Variants in FHIT observed in about 807,000 individuals in gnomAD.
The protein encoded by FHIT is bis(5'-adenosyl)-triphosphatase.
A neutral mutation model predicts 17.9 loss-of-function variants in FHIT; 19 were observed. That is an observed-to-expected ratio of 1.06 (90% CI 0.74 to 1.56). The LOEUF (loss-of-function observed/expected upper bound fraction) is 1.56, where lower values mean the gene tolerates loss of function less well. FHIT is among the 40% of genes most tolerant of loss of function. The pLI is 0.00. For synonymous variants in FHIT, 81 were observed against 69.7 expected, an observed-to-expected ratio of 1.16 and a Z score of -0.81; for missense variants, 248 against 189.2, an observed-to-expected ratio of 1.31 and a Z score of -1.82.
chr3:60,555,685 T>A (rs2036716914), intron 4 of FHIT, among the ~76,000 whole-genome samples: 2 of 152,118 alleles, frequency 1.3e-5, no homozygotes. Context: ...TCACTCTATT[T>A]GTCACCATTT....
chr3:60,536,394 C>T (rs1054941304), intron 5 of FHIT: 1 of 152,822 alleles, frequency 6.5e-6, no homozygotes, highest in Non-Finnish European at 1.5e-5. Context: ...AAACGCACAA[C>T]TTGAATGATC....
At position 59,749,523 on chromosome 3, in the gene FHIT, G is replaced by A. The variant is rs886412866; in HGVS notation, c.*62C>T. ...TTCCTCTTGGGGAGAGGCGGGGGGC[G>A]GTCTTCAAACTGGTTGGCAATAGCT... On this transcript the variant is annotated 3_prime_UTR_variant, in exon 10 of 10. Coordinates refer to ENST00000492590, the MANE Select transcript of FHIT (RefSeq NM_002012.4). The A allele has an allele frequency of 9.0e-6, 2 of 220,998 alleles. No individual in the cohort carries two copies. The highest frequency in any genetic ancestry group is 8.9e-6 in the Non-Finnish European group (1 of 112,252). 13.7% of individuals were successfully genotyped at this position (220,998 alleles called of 1,614,324 possible).
intron 5 of FHIT, among the ~76,000 whole-genome samples, chr3:60,224,104 C>T (rs1438512331): frequency 6.6e-6 from 1 of 152,098 alleles, no homozygotes; most frequent in Admixed American, 6.6e-5. Flanking sequence ...AGTCTCCACA[C>T]CAAAGCCTCT....
intron 4 of FHIT, among the ~76,000 whole-genome samples, chr3:60,738,311 G>C (rs1488201839): frequency 6.6e-6 from 1 of 152,206 alleles, no homozygotes; most frequent in African/African-American, 2.4e-5. Flanking sequence ...TAGTATTACA[G>C]TTCAGTGAAG....
intron 5 of FHIT, among the ~76,000 whole-genome samples, chr3:60,525,404 G>C (rs12492267): frequency 0.27 from 41,300 of 151,740 alleles, 6,178 homozygotes; most frequent in East Asian, 0.52. Flanking sequence ...AGAATTGAAG[G>C]GATCACACCC....
At chr3:59,962,906 A>G (rs1165355513) in intron 7 of FHIT, among the ~76,000 whole-genome samples, 5 of 152,232 alleles carry the variant, frequency 3.3e-5, no homozygotes, top group Non-Finnish European at 7.3e-5. Context: ...TGCACTTTGC[A>G]TAGGATTCAG....
At chr3:59,838,056 T>G (rs932678180) in intron 8 of FHIT, among the ~76,000 whole-genome samples, 3 of 152,146 alleles carry the variant, frequency 2.0e-5, no homozygotes, top group Non-Finnish European at 4.4e-5. Context: ...GAAGTCATTT[T>G]GTCTCCATTT....
chr3:60,046,163 C>T (rs1701645286), intron 5 of FHIT, among the ~76,000 whole-genome samples: 1 of 152,194 alleles, frequency 6.6e-6, no homozygotes, highest in Non-Finnish European at 1.5e-5. Flanking sequence ...ACACAATAGA[C>T]CATTCAATAA....
chr3:61,048,159 A>C (rs1389872083), intron 2 of FHIT, among the ~76,000 whole-genome samples: 2 of 152,198 alleles, frequency 1.3e-5, no homozygotes, highest in Non-Finnish European at 2.9e-5. Context: ...TCTGCACAGC[A>C]AAAGAAACCA....
chr3:61,056,847 C>G (rs1429923631), intron 2 of FHIT, among the ~76,000 whole-genome samples: 1 of 152,162 alleles, frequency 6.6e-6, no homozygotes, highest in Non-Finnish European at 1.5e-5. Flanking sequence ...GGTACCAGCA[C>G]AAAAGTTTTG....
At chr3:61,038,709 C>G (rs573179146) in intron 3 of FHIT, among the ~76,000 whole-genome samples, 22 of 151,936 alleles carry the variant, frequency 1.4e-4, no homozygotes, top group African/African-American at 4.8e-4. Context: ...CTTTAAAATA[C>G]TTCAGAAGAG....
intron 5 of FHIT, among the ~76,000 whole-genome samples, chr3:60,510,506 A>AT (rs755607301): frequency 3.2e-4 from 48 of 152,114 alleles, no homozygotes; most frequent in Admixed American, 6.6e-4. Flanking sequence ...CTTTTATCTC[A>AT]TTTTTTGTGA....
chr3:60,272,287 A>G (rs945509814), intron 5 of FHIT, among the ~76,000 whole-genome samples: 3 of 152,244 alleles, frequency 2.0e-5, no homozygotes, highest in Non-Finnish European at 4.4e-5. Flanking sequence ...CTGAAGGTAC[A>G]GAAGACAGGA....
chr3:60,292,881 G>C (rs1186680249), intron 5 of FHIT, among the ~76,000 whole-genome samples: 2 of 145,578 alleles, frequency 1.4e-5, no homozygotes, highest in Non-Finnish European at 3.1e-5. Context: ...ATCCCTGATA[G>C]TCAATTAAAA....
chr3:60,493,431 G>T (rs928003773), intron 5 of FHIT, among the ~76,000 whole-genome samples: 2 of 152,134 alleles, frequency 1.3e-5, no homozygotes, highest in African/African-American at 4.8e-5. Context: ...TGCTTACACT[G>T]TGAGGTTAAA....
intron 3 of FHIT, among the ~76,000 whole-genome samples, chr3:60,914,556 C>T (rs1373692663): frequency 1.3e-5 from 2 of 150,970 alleles, no homozygotes; most frequent in Admixed American, 6.6e-5. Context: ...AAGGATACAA[C>T]AGAATCAAGG....
At position 59,767,810 on chromosome 3, in the gene FHIT, A is replaced by G. The variant is rs138174665; in HGVS notation, c.349-15489T>C. 1.8e-3 allele frequency among the ~76,000 whole-genome samples: 267 copies of G among 152,316 alleles called. 1 individual carries two copies. Among genetic ancestry groups the G allele is most frequent in the African/African-American group, 5.7e-3 (238 of 41,570 alleles). On this transcript the variant is annotated intron_variant, in intron 8 of 9. Coordinates refer to ENST00000492590, the MANE Select transcript of FHIT (RefSeq NM_002012.4). ...TTAAGGCTTAGAGATGTGATCTCAT[A>G]GCTAGTAGGCAGTTGGGACTCCAGG...
chr3:59,881,371 CT>C (rs1703403228), intron 8 of FHIT, among the ~76,000 whole-genome samples: 1 of 152,046 alleles, frequency 6.6e-6, no homozygotes, highest in Admixed American at 6.6e-5. Flanking sequence ...ATAAAAATGT[CT>C]TTTAAGAGAC....
At chr3:60,444,858 A>T (rs181482234) in intron 5 of FHIT, among the ~76,000 whole-genome samples, 37 of 151,670 alleles carry the variant, frequency 2.4e-4, no homozygotes, top group Middle Eastern at 3.4e-3. Flanking sequence ...AAAAAATTTT[A>T]AAAAAAAAGA....
Sources: gnomAD v4.1 joint callset for allele counts (sites outside exome capture counted in the v4.1 genomes callset) on GRCh38, gnomAD v4.1.1 for gene constraint, MANE v1.5 for transcripts, NCBI Gene and HGNC (gene_info 2026-07-23, HGNC 2026-07-21) for gene names.